The following GLIS3 variants were observed in gnomAD, a reference collection of about 807,000 sequenced individuals.
The protein encoded by GLIS3 is zinc finger protein GLIS3.
Under a neutral mutation model 78.6 loss-of-function variants are expected in GLIS3, and 53 were observed. That is an observed-to-expected ratio of 0.67 (90% confidence interval 0.54 to 0.85). The LOEUF (loss-of-function observed/expected upper bound fraction) is 0.85, where lower values mean the gene tolerates loss of function less well. GLIS3 is among the 40% of genes least tolerant of loss of function. The pLI is 0.00. For synonymous variants in GLIS3, 684 were observed against 509.9 expected, an observed-to-expected ratio of 1.34 and a Z score of -4.60; for missense variants, 1,703 against 1,231.1, an observed-to-expected ratio of 1.38 and a Z score of -5.74.
intron 4 of GLIS3, among the ~76,000 whole-genome samples, chr9:3,951,480 T>C (rs1056738653): frequency 1.3e-5 from 2 of 149,876 alleles, no homozygotes; most frequent in Non-Finnish European, 3.0e-5. Context: ...CTTTCAAGAG[T>C]AGTATTTAGT....
chr9:4,199,132 A>T (rs1289719052), intron 2 of GLIS3, among the ~76,000 whole-genome samples: 1 of 152,296 alleles, frequency 6.6e-6, no homozygotes, highest in South Asian at 2.1e-4. Flanking sequence ...TAGCCCACAA[A>T]TCCTATAAAG....
the GLIS3 span, among the ~76,000 whole-genome samples, chr9:4,371,418 A>G: frequency 6.6e-6 from 1 of 152,196 alleles, no homozygotes; most frequent in Non-Finnish European, 1.5e-5. Flanking sequence ...ATAAGTGCTA[A>G]GCCTTTCCTT....
the GLIS3 span, among the ~76,000 whole-genome samples, chr9:4,484,286 A>G: frequency 0.014 from 1,976 of 143,260 alleles, 56 homozygotes; most frequent in African/African-American, 0.049. Flanking sequence ...CGCCCAGGCT[A>G]GAGTGCAGTG....
At chr9:4,311,799 A>G (rs1215117195) in intron 2 of GLIS3, among the ~76,000 whole-genome samples, 2 of 152,234 alleles carry the variant, frequency 1.3e-5, no homozygotes, top group African/African-American at 4.8e-5. Flanking sequence ...AGGAGCAGGG[A>G]AAGTGGTTAG....
At chr9:4,164,472 C>A (rs892870012) in intron 2 of GLIS3, among the ~76,000 whole-genome samples, 1 of 152,160 alleles carries the variant, frequency 6.6e-6, no homozygotes, top group African/African-American at 2.4e-5. Flanking sequence ...CATCCACCCT[C>A]CAGAGAGTAG....
the GLIS3 span, among the ~76,000 whole-genome samples, chr9:4,410,975 A>G: frequency 6.6e-6 from 1 of 152,202 alleles, no homozygotes; most frequent in Non-Finnish European, 1.5e-5. Flanking sequence ...GTATGAGCCT[A>G]AAAAGGGTTA....
the GLIS3 span, among the ~76,000 whole-genome samples, chr9:4,434,575 G>C: frequency 6.6e-6 from 1 of 152,170 alleles, no homozygotes; most frequent in African/African-American, 2.4e-5. Context: ...AATGTTTGCT[G>C]AGGGGGTGAT....
intron 4 of GLIS3, among the ~76,000 whole-genome samples, chr9:4,094,708 A>G (rs989202124): frequency 2.0e-5 from 3 of 152,194 alleles, no homozygotes; most frequent in Non-Finnish European, 4.4e-5. Context: ...CTTCTATTCT[A>G]AGACAACATG....
At chr9:4,001,902 A>G (rs887357912) in intron 4 of GLIS3, among the ~76,000 whole-genome samples, 2 of 152,184 alleles carry the variant, frequency 1.3e-5, no homozygotes, top group African/African-American at 2.4e-5. Context: ...ATTCTCCCAT[A>G]TACATCTTAT....
chr9:4,116,216 T>G (rs975909241), intron 4 of GLIS3, among the ~76,000 whole-genome samples: 2 of 152,252 alleles, frequency 1.3e-5, no homozygotes, highest in African/African-American at 4.8e-5. Context: ...CAGCCAGGAT[T>G]AGTCAGAACT....
the GLIS3 span, among the ~76,000 whole-genome samples, chr9:4,400,571 G>A: frequency 6.6e-6 from 1 of 152,218 alleles, no homozygotes; most frequent in Non-Finnish European, 1.5e-5. Context: ...AAGGGCACCA[G>A]AGAAGACTCC....
intron 4 of GLIS3, among the ~76,000 whole-genome samples, chr9:4,024,410 A>C (rs1216123867): frequency 6.6e-6 from 1 of 152,200 alleles, no homozygotes; most frequent in Non-Finnish European, 1.5e-5. Context: ...CCCTGTAGGA[A>C]CACACTTATT....
At chr9:4,363,844 G>C in the GLIS3 span, among the ~76,000 whole-genome samples, 3 of 152,224 alleles carry the variant, frequency 2.0e-5, no homozygotes, top group African/African-American at 7.2e-5. Flanking sequence ...AGAGCTGGAT[G>C]GCTGTTGAAG....
At chr9:4,078,602 T>C (rs1311353980) in intron 4 of GLIS3, among the ~76,000 whole-genome samples, 1 of 152,170 alleles carries the variant, frequency 6.6e-6, no homozygotes, top group East Asian at 1.9e-4. Context: ...AGCCAAGAGA[T>C]CTTTGCCAGC....
At chr9:4,320,027 G>A (rs1171929541) in intron 2 of GLIS3, among the ~76,000 whole-genome samples, 6 of 57,132 alleles carry the variant, frequency 1.1e-4, no homozygotes, top group South Asian at 6.1e-4. Flanking sequence ...GTGTGTGTGC[G>A]CGCGCACAAG....
intron 4 of GLIS3, among the ~76,000 whole-genome samples, chr9:3,938,448 G>A (rs1440342777): frequency 6.6e-6 from 1 of 152,068 alleles, no homozygotes; most frequent in Non-Finnish European, 1.5e-5. Context: ...GATGGTAGAG[G>A]ACATTGTTCA....
chr9:3,879,382 G>C, intron 8 of GLIS3, 45 bp downstream of exon 8: 2 of 1,590,056 alleles, frequency 1.3e-6, no homozygotes, highest in Non-Finnish European at 1.7e-6. Context: ...GTGAAGGGAG[G>C]TTTGGCGGCG....
intron 4 of GLIS3, among the ~76,000 whole-genome samples, chr9:4,092,338 G>C (rs956715283): frequency 1.3e-4 from 20 of 151,764 alleles, no homozygotes; most frequent in African/African-American, 4.8e-4. Flanking sequence ...ATTTTTAGTA[G>C]AGACAGGGTT....
At chr9:3,901,393 T>C (rs778802423) in intron 6 of GLIS3, 1 of 152,332 alleles carries the variant, frequency 6.6e-6, no homozygotes, top group Non-Finnish European at 1.5e-5. Flanking sequence ...CATGCAATGA[T>C]GATAGACTGA....
Sources: gnomAD v4.1 joint callset for allele counts (sites outside exome capture counted in the v4.1 genomes callset) on GRCh38, gnomAD v4.1.1 for gene constraint, MANE v1.5 for transcripts, NCBI Gene and HGNC (gene_info 2026-07-23, HGNC 2026-07-21) for gene names.